Variants in DENND2C observed in about 807,000 individuals in gnomAD.
DENND2C encodes the protein DENN domain-containing protein 2C.
Under a neutral mutation model 112.4 loss-of-function variants are expected in DENND2C, and 72 were observed. The observed-to-expected ratio is 0.64, with a 90% CI of 0.53 to 0.78. DENND2C has a LOEUF of 0.78. Ranked by LOEUF, DENND2C falls within the 30% of genes least tolerant of loss-of-function variation. The pLI is 0.00. For synonymous variants in DENND2C, 329 were observed against 381.6 expected (o/e 0.86, Z 1.61); for missense variants, 992 against 1,113.8 (o/e 0.89, Z 1.56).
chr1:114,595,777 A>G (rs1655326265), intron 17 of DENND2C, 55 bp downstream of exon 17: 2 of 1,479,518 alleles, frequency 1.4e-6, no homozygotes, highest in Non-Finnish European at 1.9e-6. Flanking sequence ...CTGTCCAATT[A>G]TCTACAGTAG....
intron 1 of DENND2C, among the ~76,000 whole-genome samples, chr1:114,656,887 G>A (rs1657346392): frequency 6.6e-6 from 1 of 152,062 alleles, no homozygotes; most frequent in Non-Finnish European, 1.5e-5. Context: ...GAGTAGCTGG[G>A]ACTACAGGTG....
intron 3 of DENND2C, among the ~76,000 whole-genome samples, chr1:114,636,834 G>C (rs1235785544): frequency 6.6e-6 from 1 of 151,846 alleles, no homozygotes; most frequent in Non-Finnish European, 1.5e-5. Flanking sequence ...ATTCATAAGA[G>C]AATTTAGCAA....
chr1:114,616,633 C>CA (rs1361387925), intron 8 of DENND2C, among the ~76,000 whole-genome samples: 10 of 152,136 alleles, frequency 6.6e-5, no homozygotes, highest in African/African-American at 1.7e-4. Flanking sequence ...GCTGGTGGAT[C>CA]ACCTGAGGTC....
chr1:114,642,854 T>C (rs1443735256), intron 3 of DENND2C, among the ~76,000 whole-genome samples: 2 of 152,232 alleles, frequency 1.3e-5, no homozygotes, highest in Non-Finnish European at 2.9e-5. Flanking sequence ...TGACAGGTAC[T>C]ATAAATTTCT....
chr1:114,623,502 C>CCTACTT lies in DENND2C; in HGVS notation c.943+4_943+5insAAGTAG. 6.3e-7 allele frequency: 1 copy of CCTACTT among 1,599,740 alleles called. No individual in the cohort carries two copies. Among genetic ancestry groups the CCTACTT allele is most frequent in the Non-Finnish European group, 8.5e-7 (1 of 1,174,210 alleles). On this transcript the variant is annotated splice_donor_region_variant and intron_variant, in intron 5 of 20. Transcript: ENST00000393274. ...AAATTTAACTGCAAAGTTGTCAACACCTACATATGATATCTTCATAGATAT... is the reference window on the plus strand; with the variant it reads ...AAATTTAACTGCAAAGTTGTCAACACCTACTTCTACATATGATATCTTCATAGATAT...
At chr1:114,660,942 C>T (rs975863446) in intron 1 of DENND2C, among the ~76,000 whole-genome samples, 2 of 151,722 alleles carry the variant, frequency 1.3e-5, no homozygotes, top group African/African-American at 4.8e-5. Flanking sequence ...GAAACCCTGT[C>T]TCTACTAAAA....
At chr1:114,588,829 A>T (rs956375807) in intron 18 of DENND2C, among the ~76,000 whole-genome samples, 4 of 152,148 alleles carry the variant, frequency 2.6e-5, no homozygotes, top group Non-Finnish European at 5.9e-5. Context: ...TCCTGGGCTC[A>T]AGCAATTCTC....
chr1:114,652,711 C>A lies in DENND2C; in HGVS notation c.-317+1794G>T, dbSNP rs116743813. Among the ~76,000 whole-genome samples the A allele has an allele frequency of 7.4e-3, 1,075 of 144,452 alleles. 13 individuals carry two copies. Among genetic ancestry groups the A allele is most frequent in the African/African-American group, 0.027 (1,026 of 38,446 alleles). 94.8% of individuals were successfully genotyped at this position (144,452 alleles called of 152,430 possible). A position where few individuals can be genotyped will look rare whatever the true frequency, so the allele number is the denominator to read the frequency against. ...TTAAAGAGGCAGAGTCTCCTCATTG[C>A]CCAACCTGAAGTGTAGTGGCTATTC... On this transcript the variant is annotated intron_variant, in intron 2 of 20. Coordinates refer to ENST00000393274, the MANE Select transcript of DENND2C (RefSeq NM_001256404.2).
intron 8 of DENND2C, among the ~76,000 whole-genome samples, chr1:114,611,772 AC>A (rs1460558180): frequency 7.5e-6 from 1 of 133,600 alleles, no homozygotes; most frequent in Non-Finnish European, 1.6e-5. Context: ...TTCTGAGAGC[AC>A]AGGCAACACA....
At chr1:114,609,604 T>C (rs1409536199) in intron 9 of DENND2C, among the ~76,000 whole-genome samples, 2 of 152,188 alleles carry the variant, frequency 1.3e-5, no homozygotes, top group East Asian at 3.9e-4. Flanking sequence ...ATCTCTAAAT[T>C]TTGAGCAATC....
intron 16 of DENND2C, among the ~76,000 whole-genome samples, chr1:114,597,887 C>A (rs569016231): frequency 1.3e-5 from 2 of 152,222 alleles, no homozygotes; most frequent in South Asian, 4.2e-4. Flanking sequence ...GGATGCTCAA[C>A]CTCAACAGGA....
intron 18 of DENND2C, 27 bp from the exon 19 acceptor site, chr1:114,587,979 G>GA (rs772151411): frequency 2.6e-5 from 41 of 1,587,922 alleles, no homozygotes; most frequent in Non-Finnish European, 3.4e-5. Flanking sequence ...AAGAAAAAAA[G>GA]AAAAAAATCT....
At chr1:114,587,669 C>G (rs2101637597) in intron 19 of DENND2C, 47 bp downstream of exon 19, 1 of 1,510,468 alleles carries the variant, frequency 6.6e-7, no homozygotes, top group Non-Finnish European at 9.0e-7. Flanking sequence ...TAAAATCTTT[C>G]AAGGTATTCA....
intron 3 of DENND2C, among the ~76,000 whole-genome samples, chr1:114,640,962 T>C (rs1420006558): frequency 6.6e-6 from 1 of 152,196 alleles, no homozygotes; most frequent in Non-Finnish European, 1.5e-5. Context: ...CTCAATTTAT[T>C]GCTTACTGAT....
At chr1:114,659,055 C>T (rs1657410430) in intron 1 of DENND2C, among the ~76,000 whole-genome samples, 1 of 152,132 alleles carries the variant, frequency 6.6e-6, no homozygotes, top group South Asian at 2.1e-4. Context: ...TGATAGGGCA[C>T]AAATGAATCT....
chr1:114,601,412 G>A, intron 13 of DENND2C, 96 bp downstream of exon 13: 3 of 1,240,986 alleles, frequency 2.4e-6, no homozygotes, highest in Admixed American at 2.2e-5. Flanking sequence ...TTTACTAATA[G>A]GGAACCTTTC....
intron 3 of DENND2C, among the ~76,000 whole-genome samples, chr1:114,628,965 T>C (rs1656418200): frequency 6.6e-6 from 1 of 152,270 alleles, no homozygotes; most frequent in Non-Finnish European, 1.5e-5. Context: ...GAAAACTTCC[T>C]AAAGCCAACT....
chr1:114,590,494 C>G (rs937364847), intron 18 of DENND2C, among the ~76,000 whole-genome samples: 1 of 152,130 alleles, frequency 6.6e-6, no homozygotes, highest in East Asian at 1.9e-4. Context: ...AATTATTGAA[C>G]TTGGCCGGGC....
At position 114,582,904 on chromosome 1, in the gene DENND2C, A is replaced by T. The variant is rs185804165; in HGVS notation, c.*2696T>A. The T allele has an allele frequency of 1.2e-4, 19 of 152,350 alleles. No individual in the cohort carries two copies. Among genetic ancestry groups the T allele is most frequent in the Admixed American group, 1.2e-3 (19 of 15,306 alleles). 9.4% of individuals were successfully genotyped at this position (152,350 alleles called of 1,614,324 possible). A position where few individuals can be genotyped will look rare whatever the true frequency, so the allele number is the denominator to read the frequency against. On this transcript the variant is annotated 3_prime_UTR_variant, in exon 21 of 21. Transcript: ENST00000393274. ...AAGATCTGTAAACAACATTTTATAC[A>T]AATCTTGATTCTTTTACAAAAATAT...
Sources: allele counts gnomAD v4.1 joint callset (sites outside exome capture counted in the v4.1 genomes callset), GRCh38; gene constraint gnomAD v4.1.1; transcripts MANE v1.5; gene names NCBI Gene and HGNC (gene_info 2026-07-23, HGNC 2026-07-21).